The following IL1R1 variants were observed in gnomAD, a reference collection of about 807,000 sequenced individuals.
IL1R1 encodes the protein interleukin-1 receptor type 1.
Under a neutral mutation model 50.2 loss-of-function variants are expected in IL1R1, and 22 were observed. That is an observed-to-expected ratio of 0.44 (90% CI 0.31 to 0.63). The LOEUF (loss-of-function observed/expected upper bound fraction) is 0.63. Ranked by LOEUF, IL1R1 falls within the 20% of genes least tolerant of loss-of-function variation. The pLI is 0.07. For missense variants in IL1R1, 509 were observed against 676.2 expected (o/e 0.75, Z 2.74); for synonymous variants, 251 against 236.7 (o/e 1.06, Z -0.55).
intron 1 of IL1R1, among the ~76,000 whole-genome samples, chr2:102,149,245 G>A (rs1683435138): frequency 6.6e-6 from 1 of 152,200 alleles, no homozygotes; most frequent in Non-Finnish European, 1.5e-5. Context: ...TGGGATGAGG[G>A]GCTGTATTAA....
At chr2:102,130,949 G>A (rs528507547) in intron 1 of IL1R1, among the ~76,000 whole-genome samples, 1 of 152,300 alleles carries the variant, frequency 6.6e-6, no homozygotes, top group South Asian at 2.1e-4. Flanking sequence ...AAAGCCCTGT[G>A]ACTTCTCCTG....
chr2:102,098,051 T>C (rs575648983), intron 1 of IL1R1, among the ~76,000 whole-genome samples: 1 of 152,040 alleles, frequency 6.6e-6, no homozygotes, highest in Admixed American at 6.6e-5. Flanking sequence ...GTGGAGATTT[T>C]AAAAAGATGA....
upstream of IL1R1, among the ~76,000 whole-genome samples, chr2:102,138,690 C>A (rs1682477886): frequency 6.6e-6 from 1 of 152,086 alleles, no homozygotes; most frequent in South Asian, 2.1e-4. Flanking sequence ...ACTTGAAAGT[C>A]AGCAGATGGA....
chr2:102,144,825 T>C (rs989911695), intron 1 of IL1R1, among the ~76,000 whole-genome samples: 37 of 152,314 alleles, frequency 2.4e-4, no homozygotes, highest in African/African-American at 8.7e-4. Context: ...TGTAGCTCTG[T>C]GGTTCCCTAG....
intron 1 of IL1R1, among the ~76,000 whole-genome samples, chr2:102,146,688 A>G (rs1349005528): frequency 6.6e-6 from 1 of 152,238 alleles, no homozygotes; most frequent in Non-Finnish European, 1.5e-5. Flanking sequence ...CAATATATGT[A>G]TTTCATATGA....
At chr2:102,137,484 G>A (rs993260885) in intron 1 of IL1R1, among the ~76,000 whole-genome samples, 3 of 152,134 alleles carry the variant, frequency 2.0e-5, no homozygotes, top group African/African-American at 4.8e-5. Context: ...CTGACAGCTG[G>A]GGCTGTGGAC....
At chr2:102,100,895 T>C (rs952499606), upstream of IL1R1, among the ~76,000 whole-genome samples, 1 of 152,170 alleles carries the variant, frequency 6.6e-6, no homozygotes, top group Non-Finnish European at 1.5e-5. Flanking sequence ...TCATGTATCA[T>C]TGCCTGGAAT....
In IL1R1 at chr2:102,176,882, G is replaced by A. The variant is rs201544949; in HGVS notation, c.*123G>A. 1 of 934,574 alleles carries A rather than the reference G, an allele frequency of 1.1e-6. No individual in the cohort carries two copies. Among genetic ancestry groups the A allele is most frequent in the Non-Finnish European group, 1.6e-6 (1 of 609,750 alleles). 57.9% of individuals were successfully genotyped at this position (934,574 alleles called of 1,614,324 possible). On this transcript the variant is annotated 3_prime_UTR_variant, in exon 12 of 12. Coordinates refer to ENST00000410023, the MANE Select transcript of IL1R1 (RefSeq NM_000877.4). ...AACTATATCATCCTTTATCCCTGAGGTCACCTGGAATCAGATTATTAAGGG... is the reference window on the plus strand; with the variant it reads ...AACTATATCATCCTTTATCCCTGAGATCACCTGGAATCAGATTATTAAGGG...
Position 102,168,661 on chromosome 2 carries a change from T to G in IL1R1, c.719T>G (p.Leu240Trp). 6.2e-7 allele frequency: 1 copy of G among 1,612,316 alleles called. No homozygotes were observed. Among genetic ancestry groups the G allele is most frequent in the Non-Finnish European group, 8.5e-7 (1 of 1,178,702 alleles). ...SPANETMEVD[L>W]GSQIQLICNV... Reference sequence around the variant, plus strand: ...GCTAATGAGACAATGGAAGTAGACTTGGGTAAGTGGGCTTCAGTGAGGGTA... The same window carrying G: ...GCTAATGAGACAATGGAAGTAGACTGGGGTAAGTGGGCTTCAGTGAGGGTA... Residue 240 changes from leucine to tryptophan, a missense_variant and splice_region_variant, in exon 7 of 12, where the codon TTG becomes TGG. Transcript: ENST00000410023.
At chr2:102,132,530 A>G (rs1027928602) in intron 1 of IL1R1, among the ~76,000 whole-genome samples, 6 of 152,188 alleles carry the variant, frequency 3.9e-5, no homozygotes, top group Non-Finnish European at 8.8e-5. Context: ...TTAAGTAACT[A>G]GAAAAAGGAA....
chr2:102,103,383 G>T (rs574088611), upstream of IL1R1, among the ~76,000 whole-genome samples: 3 of 152,104 alleles, frequency 2.0e-5, no homozygotes, highest in Admixed American at 6.5e-5. Flanking sequence ...GTGCTGAGTG[G>T]TGTCAATTGG....
At chr2:102,123,010 G>C (rs900084460) in intron 1 of IL1R1, among the ~76,000 whole-genome samples, 2 of 152,108 alleles carry the variant, frequency 1.3e-5, no homozygotes, top group Non-Finnish European at 2.9e-5. Context: ...CAGGGATCAG[G>C]GAAATTGGTT....
intron 2 of IL1R1, among the ~76,000 whole-genome samples, chr2:102,155,787 G>C (rs1262424962): frequency 6.6e-6 from 1 of 152,172 alleles, no homozygotes; most frequent in Non-Finnish European, 1.5e-5. Flanking sequence ...GACATCAGCT[G>C]GTTCATTGCC....
At chr2:102,132,853 A>T (rs1682113686) in intron 1 of IL1R1, among the ~76,000 whole-genome samples, 3 of 152,216 alleles carry the variant, frequency 2.0e-5, no homozygotes, top group South Asian at 4.1e-4. Context: ...TAGATGAAAT[A>T]GATAAATTCT....
intron 1 of IL1R1, among the ~76,000 whole-genome samples, chr2:102,119,730 A>G (rs1333982417): frequency 6.6e-6 from 1 of 152,174 alleles, no homozygotes; most frequent in African/African-American, 2.4e-5. Context: ...TTGTATGTAC[A>G]CATTATGGAA....
chr2:102,115,322 T>C (rs951797900), intron 1 of IL1R1, among the ~76,000 whole-genome samples: 24 of 152,200 alleles, frequency 1.6e-4, no homozygotes, highest in Admixed American at 6.5e-4. Context: ...TGGGGAAATT[T>C]AGGACCATTT....
rs140586549 is a variant in IL1R1, at chr2:102,081,055, A to G, written c.-84+10522A>G. On this transcript the variant is annotated intron_variant, in intron 1 of 11. Transcript: ENST00000409929. ...AGTATATAGATTGCCAGGGGCTAGA[A>G]GAAAGGGGAACGAAGAGTGATTGCT... 3.4e-3 allele frequency among the ~76,000 whole-genome samples: 515 copies of G among 152,286 alleles called. 4 individuals carry two copies. The highest frequency in any genetic ancestry group is 0.012 in the African/African-American group (491 of 41,566).
intron 1 of IL1R1, among the ~76,000 whole-genome samples, chr2:102,090,043 C>T (rs549899030): frequency 3.9e-5 from 6 of 151,944 alleles, no homozygotes; most frequent in African/African-American, 1.4e-4. Context: ...ACCATGTTAG[C>T]CAGGATGGTC....
intron 1 of IL1R1, among the ~76,000 whole-genome samples, chr2:102,086,198 T>C (rs1679422483): frequency 6.6e-6 from 1 of 152,116 alleles, no homozygotes; most frequent in African/African-American, 2.4e-5. Flanking sequence ...TTTTAAAGGG[T>C]GGTTTCACTG....
Sources: gnomAD v4.1 joint callset for allele counts (sites outside exome capture counted in the v4.1 genomes callset) on GRCh38, gnomAD v4.1.1 for gene constraint, MANE v1.5 for transcripts, NCBI Gene and HGNC (gene_info 2026-07-23, HGNC 2026-07-21) for gene names.